RSPH10B: variants seen among roughly 807,000 people sequenced by gnomAD.
The protein encoded by RSPH10B is radial spoke head 10 homolog B, also known as radial spoke head 10 homolog B (Chlamydomonas).
RSPH10B carries 7 observed loss-of-function variants against 52.5 expected under a neutral mutation model. That is an observed-to-expected ratio of 0.13 (90% CI 0.08 to 0.25). The LOEUF (loss-of-function observed/expected upper bound fraction) is 0.25, where lower values mean the gene tolerates loss of function less well. RSPH10B is among the 10% of genes least tolerant of loss of function. RSPH10B has a pLI of 1.00. For missense variants in RSPH10B, 89 were observed against 542.5 expected (o/e 0.16, Z 8.30); for synonymous variants, 28 against 193.2 (o/e 0.14, Z 7.09).
chr7:5,931,307 A>G lies in RSPH10B; in HGVS notation c.2233+1475T>C, dbSNP rs1489090020. 2.2e-4 allele frequency among the ~76,000 whole-genome samples: 33 copies of G among 151,054 alleles called. 1 individual carries two copies. The highest frequency in any genetic ancestry group is 3.3e-4 in the Non-Finnish European group (22 of 67,644). On this transcript the variant is annotated intron_variant, in intron 17 of 18. Coordinates refer to ENST00000337579, the Ensembl canonical transcript of RSPH10B. Reference sequence around the variant, plus strand: ...GGAATGATCCACTGGAGGAGGAGTAACGGGAAACGACAGGCACTGTAGAGG... The same window carrying G: ...GGAATGATCCACTGGAGGAGGAGTAGCGGGAAACGACAGGCACTGTAGAGG...
chr7:5,938,498 A>G (rs1780040432), intron 14 of RSPH10B, among the ~76,000 whole-genome samples: 1 of 71,466 alleles, frequency 1.4e-5, no homozygotes, highest in African/African-American at 4.8e-5. Flanking sequence ...GAATGGCGTG[A>G]ACCCGGGAGG....
intron 14 of RSPH10B, among the ~76,000 whole-genome samples, chr7:5,938,416 A>C (rs1780035172): frequency 8.3e-6 from 1 of 120,880 alleles, no homozygotes; most frequent in South Asian, 2.4e-4. Context: ...AAAAAATACA[A>C]AAAAAAAAAA....
intron 18 of RSPH10B, among the ~76,000 whole-genome samples, chr7:5,927,605 C>A (rs1470509843): frequency 7.1e-6 from 1 of 141,566 alleles, no homozygotes; most frequent in Non-Finnish European, 1.5e-5. Context: ...ATAGTCATTA[C>A]CCCAAAGAGT....
At chr7:5,944,110 A>C (rs1780366169) in intron 11 of RSPH10B, 120 bp from the exon 14 acceptor site, 1 of 1,261,552 alleles carries the variant, frequency 7.9e-7, no homozygotes, top group Non-Finnish European at 1.1e-6. Flanking sequence ...GAGTATAGAA[A>C]GGGAAGGCAA....
At chr7:5,933,112 G>T (rs1779857729) in intron 16 of RSPH10B, among the ~76,000 whole-genome samples, 1 of 82,736 alleles carries the variant, frequency 1.2e-5, no homozygotes, top group South Asian at 3.5e-4. Flanking sequence ...CCGCCTCTCG[G>T]GTTCCAGCAA....
intron 17 of RSPH10B, among the ~76,000 whole-genome samples, chr7:5,928,633 T>TC (rs1562556243): frequency 8.0e-6 from 1 of 125,504 alleles, no homozygotes; most frequent in Non-Finnish European, 1.7e-5. Flanking sequence ...TTTTCTTTTT[T>TC]GTTTTTTTTT....
chr7:5,937,102 A>AC, intron 15 of RSPH10B, among the ~76,000 whole-genome samples: 1 of 61,708 alleles, frequency 1.6e-5, no homozygotes, highest in East Asian at 6.8e-4. Flanking sequence ...AAAAAAAAAA[A>AC]AAAGAATTAG....
rs1266853612 is a variant in RSPH10B, at chr7:5,966,432, A to G, written c.254+431T>C. On this transcript the variant is annotated intron_variant, in intron 1 of 18. Transcript: ENST00000337579. ...GAAGCCCAAACCTCAGCATCACACA[A>G]CATGCCCATGTAACAAACCTGCACA... Among the ~76,000 whole-genome samples, 2 of 117,042 alleles carry G rather than the reference A, an allele frequency of 1.7e-5. 1 individual carries two copies. The highest frequency in any genetic ancestry group is 3.7e-5 in the Non-Finnish European group (2 of 53,972). The allele number at this position is 117,042 out of a possible 152,430, so 76.8% of individuals were successfully genotyped here.
chr7:5,926,985 C>A (rs1308566393), intron 18 of RSPH10B, among the ~76,000 whole-genome samples: 8 of 150,774 alleles, frequency 5.3e-5, no homozygotes, highest in Admixed American at 6.7e-5. Flanking sequence ...AAACTCCTGA[C>A]CTCAGGTGAT....
chr7:5,957,791 C>T, intron 6 of RSPH10B, 116 bp downstream of exon 8: 2 of 1,421,840 alleles, frequency 1.4e-6, no homozygotes, highest in Non-Finnish European at 1.8e-6. Flanking sequence ...CAGAGAGAGA[C>T]TCTGTCTCAA....
chr7:5,947,940 TG>T, intron 10 of RSPH10B, among the ~76,000 whole-genome samples: 1 of 73,110 alleles, frequency 1.4e-5, no homozygotes, highest in Non-Finnish European at 3.0e-5. Flanking sequence ...GGCACAATCT[TG>T]GCTCACTGCA....
chr7:5,950,289 C>T (rs186123123), intron 9 of RSPH10B, among the ~76,000 whole-genome samples: 3,647 of 151,416 alleles, frequency 0.024, 40 homozygotes, highest in Non-Finnish European at 0.028. Flanking sequence ...AGCAATATTC[C>T]GCCAGGTGCA....
chr7:5,950,583 A>AG (rs1163103215), intron 9 of RSPH10B, among the ~76,000 whole-genome samples: 34 of 148,018 alleles, frequency 2.3e-4, no homozygotes, highest in African/African-American at 8.2e-4. Flanking sequence ...AAAAAAAAAA[A>AG]GGAGCAATAT....
In RSPH10B at chr7:5,941,571, T is replaced by C. The variant is rs1214027826; in HGVS notation, c.1758+1753A>G. Among the ~76,000 whole-genome samples the C allele has an allele frequency of 6.0e-5, 9 of 149,598 alleles. 2 individuals carry two copies. The highest frequency in any genetic ancestry group is 2.2e-4 in the African/African-American group (9 of 40,878). On this transcript the variant is annotated intron_variant, in intron 13 of 18. Transcript: ENST00000337579. Reference sequence around the variant, plus strand: ...CATCCTTGCTAACATAGTGAAACCCTGTCTCTACTAAAAAATACAAAAATT... The same window carrying C: ...CATCCTTGCTAACATAGTGAAACCCCGTCTCTACTAAAAAATACAAAAATT...
chr7:5,968,858 C>A, upstream of RSPH10B, among the ~76,000 whole-genome samples: 1 of 45,146 alleles, frequency 2.2e-5, no homozygotes, highest in Admixed American at 2.7e-4. Flanking sequence ...TTTTTTTAGA[C>A]AGACTCTCTA....
intron 13 of RSPH10B, among the ~76,000 whole-genome samples, chr7:5,940,169 C>A (rs1374473834): frequency 2.1e-5 from 2 of 97,548 alleles, no homozygotes; most frequent in Non-Finnish European, 4.8e-5. Context: ...CGCACTCCAG[C>A]CTGGGTGACA....
chr7:5,931,627 G>A (rs1254752917), intron 17 of RSPH10B, among the ~76,000 whole-genome samples: 6 of 150,636 alleles, frequency 4.0e-5, no homozygotes, highest in Non-Finnish European at 5.9e-5. Context: ...GAGTCAAGGC[G>A]TTCAGATCCA....
At position 5,933,401 on chromosome 7, in the gene RSPH10B, CAAAA is replaced by C. The variant is rs111920150; in HGVS notation, c.2140-530_2140-527del. 2.6e-4 allele frequency among the ~76,000 whole-genome samples: 27 copies of C among 105,488 alleles called. No homozygotes were observed. In the East Asian group the frequency reaches 5.9e-3, roughly 23 times the overall value. 69.2% of individuals were successfully genotyped at this position (105,488 alleles called of 152,430 possible). ...ATTATGGCATTTACTGAAAGCCTCT[CAAAA>C]AAAAACCCCAAAACTTGAAAATGTC... On this transcript the variant is annotated intron_variant, in intron 16 of 18. Coordinates refer to ENST00000337579, the Ensembl canonical transcript of RSPH10B.
chr7:5,970,494 C>A (rs1460742144), upstream of RSPH10B: 2 of 139,364 alleles, frequency 1.4e-5, no homozygotes, highest in Admixed American at 7.1e-5. Flanking sequence ...CCGGCCTAGG[C>A]CCTCCTCGCC....
Sources: gnomAD v4.1 joint callset for allele counts (sites outside exome capture counted in the v4.1 genomes callset) on GRCh38, gnomAD v4.1.1 for gene constraint, MANE v1.5 for transcripts, NCBI Gene and HGNC (gene_info 2026-07-23, HGNC 2026-07-21) for gene names.